Variants in ZNF608 observed in about 807,000 individuals in gnomAD.
ZNF608 encodes zinc finger protein 608.
Under a neutral mutation model 109.0 loss-of-function variants are expected in ZNF608, and 12 were observed. The ratio of observed to expected loss-of-function variants is 0.11; its 90% CI spans 0.07 to 0.18. ZNF608 has a LOEUF of 0.18. ZNF608 is among the 10% of genes least tolerant of loss of function. The pLI, the probability that ZNF608 is intolerant of heterozygous loss-of-function variation, is 1.00. For missense variants in ZNF608, 1,707 were observed against 1,879.3 expected (o/e 0.91, Z 1.70); for synonymous variants, 732 against 717.4 (o/e 1.02, Z -0.33).
intron 2 of ZNF608, among the ~76,000 whole-genome samples, chr5:124,702,991 T>C (rs918317031): frequency 5.9e-5 from 9 of 152,072 alleles, no homozygotes; most frequent in African/African-American, 2.2e-4. Flanking sequence ...AAAAAAACAA[T>C]GCTACCTAGT....
rs144289194 is a variant in ZNF608, at chr5:124,683,242, G to A, written c.1162+17772C>T. On this transcript the variant is annotated intron_variant, in intron 3 of 9. Coordinates refer to ENST00000513986, the MANE Select transcript of ZNF608 (RefSeq NM_020747.3). ...AGTAGCACCTGCCTACAGCCTGATT[G>A]AAACCTTCTGAGACAACCTGAGCCA... is the stretch of plus-strand genomic sequence containing the variant. Among the ~76,000 whole-genome samples the A allele has an allele frequency of 9.8e-5, 15 of 152,310 alleles. No individual in the cohort carries two copies. In the East Asian group the frequency reaches 2.7e-3, roughly 27 times the overall value.
chr5:124,692,293 T>C (rs1440860218), intron 3 of ZNF608, among the ~76,000 whole-genome samples: 1 of 152,252 alleles, frequency 6.6e-6, no homozygotes. Context: ...AAAGCTACAC[T>C]ACTCAAACAG....
At chr5:124,713,177 C>CT (rs1185193552) in intron 2 of ZNF608, among the ~76,000 whole-genome samples, 5 of 152,222 alleles carry the variant, frequency 3.3e-5, no homozygotes, top group African/African-American at 1.2e-4. Context: ...ACTCTTCTAT[C>CT]TTTATGTTCA....
At position 124,639,232 on chromosome 5, in the gene ZNF608, TAG is replaced by T. The variant is rs770937810; in HGVS notation, c.4451-20_4451-19del. ...GGTCAAGCCTAATGGGGAAAAAATG[TAG>T]AGTGTCTGTGATCTTTAGAAGGATA... is the stretch of plus-strand genomic sequence containing the variant. On this transcript the variant is annotated intron_variant, in intron 8 of 9. Coordinates refer to ENST00000513986, the MANE Select transcript of ZNF608 (RefSeq NM_020747.3). The T allele has an allele frequency of 3.7e-6, 6 of 1,612,078 alleles. No individual in the cohort carries two copies. The East Asian group carries it at 6.7e-5, about 18-fold the overall frequency.
intron 3 of ZNF608, among the ~76,000 whole-genome samples, chr5:124,671,523 T>G (rs1186873275): frequency 1.3e-5 from 2 of 152,170 alleles, no homozygotes; most frequent in African/African-American, 4.8e-5. Context: ...ACCCACACAA[T>G]ACCTCAAGAG....
At chr5:124,683,538 ATG>A (rs1331572557) in intron 3 of ZNF608, among the ~76,000 whole-genome samples, 1 of 152,168 alleles carries the variant, frequency 6.6e-6, no homozygotes, top group Non-Finnish European at 1.5e-5. Flanking sequence ...CCACATAAAC[ATG>A]TGTTTTCAAA....
chr5:124,731,021 C>G (rs1311023649), intron 2 of ZNF608, among the ~76,000 whole-genome samples: 1 of 152,146 alleles, frequency 6.6e-6, no homozygotes. Context: ...TTAAGAGAAG[C>G]CATGTTTATC....
intron 3 of ZNF608, among the ~76,000 whole-genome samples, chr5:124,667,145 T>C (rs1385585831): frequency 6.6e-6 from 1 of 152,154 alleles, no homozygotes; most frequent in African/African-American, 2.4e-5. Context: ...GTATTTAAGA[T>C]CAACTCTTCA....
At chr5:124,653,235 G>T (rs1750866306) in intron 3 of ZNF608, among the ~76,000 whole-genome samples, 1 of 152,090 alleles carries the variant, frequency 6.6e-6, no homozygotes, top group Admixed American at 6.5e-5. Context: ...GCCCCCAAAG[G>T]CCTATTACCT....
chr5:124,695,610 CA>C (rs34251594), intron 3 of ZNF608, among the ~76,000 whole-genome samples: 3,689 of 149,782 alleles, frequency 0.025, 60 homozygotes, highest in Non-Finnish European at 0.037. Flanking sequence ...ACAAAAAATA[CA>C]AAAAAAAATG....
chr5:124,684,933 T>C (rs74865082), intron 3 of ZNF608, among the ~76,000 whole-genome samples: 2,999 of 152,344 alleles, frequency 0.02, 52 homozygotes, highest in South Asian at 0.072. Context: ...GCTAAGTGGA[T>C]AGCTGCTAGA....
intron 5 of ZNF608, 96 bp downstream of exon 5, chr5:124,646,583 T>G: frequency 6.9e-7 from 1 of 1,446,994 alleles, no homozygotes; most frequent in South Asian, 1.6e-5. Flanking sequence ...TGGGTTTCTT[T>G]CCTGTGTCAG....
intron 7 of ZNF608, among the ~76,000 whole-genome samples, chr5:124,642,748 G>C (rs1750303848): frequency 7.5e-6 from 1 of 132,732 alleles, no homozygotes; most frequent in Non-Finnish European, 1.5e-5. Flanking sequence ...GCCCACGCTA[G>C]AGTGCAGTGG....
chr5:124,709,170 C>CAAAAAAAAAAAAAAAAAAA (rs1156276798), intron 2 of ZNF608, among the ~76,000 whole-genome samples: 1 of 32,710 alleles, frequency 3.1e-5, no homozygotes, highest in Non-Finnish European at 5.3e-5. Context: ...GACTCTGTCT[C>CAAAAAAAAAAAAAAAAAAA]AAAAAAAAAA....
chr5:124,748,571 G>A, upstream of ZNF608: 1 of 985,248 alleles, frequency 1.0e-6, no homozygotes, highest in Non-Finnish European at 1.2e-6. Context: ...CCTTCTAACT[G>A]CATTGAATGT....
chr5:124,705,731 G>A (rs1383209145), intron 2 of ZNF608, among the ~76,000 whole-genome samples: 1 of 152,220 alleles, frequency 6.6e-6, no homozygotes, highest in Non-Finnish European at 1.5e-5. Flanking sequence ...ACATCTGGCA[G>A]CAGTCAACTG....
intron 3 of ZNF608, among the ~76,000 whole-genome samples, chr5:124,685,400 A>C (rs1272107198): frequency 6.6e-6 from 1 of 152,228 alleles, no homozygotes; most frequent in Non-Finnish European, 1.5e-5. Context: ...CGAAAGAACA[A>C]CACAAAATTA....
chr5:124,678,765 G>A (rs563336752), intron 3 of ZNF608, among the ~76,000 whole-genome samples: 1 of 152,290 alleles, frequency 6.6e-6, no homozygotes, highest in South Asian at 2.1e-4. Context: ...TTTCCCAACA[G>A]GTAAGTGACT....
At chr5:124,688,709 C>G (rs905815138) in intron 3 of ZNF608, among the ~76,000 whole-genome samples, 1 of 152,058 alleles carries the variant, frequency 6.6e-6, no homozygotes, top group Non-Finnish European at 1.5e-5. Flanking sequence ...ACTATGTAAT[C>G]CTATTTATAT....
Sources: gnomAD v4.1 joint callset for allele counts (sites outside exome capture counted in the v4.1 genomes callset) on GRCh38, gnomAD v4.1.1 for gene constraint, MANE v1.5 for transcripts, NCBI Gene and HGNC (gene_info 2026-07-23, HGNC 2026-07-21) for gene names.